Variants in CAMK4 observed in about 807,000 individuals in gnomAD.
CAMK4 encodes the protein calcium/calmodulin dependent protein kinase IV.
CAMK4 carries 22 observed loss-of-function variants against 44.9 expected under a neutral mutation model. The observed-to-expected ratio is 0.49, with a 90% CI of 0.35 to 0.70. The LOEUF (loss-of-function observed/expected upper bound fraction) is 0.70. Among genes scored for constraint, CAMK4 ranks in the 30% least tolerant of loss-of-function variants. CAMK4 has a pLI of 0.01. For synonymous variants in CAMK4, 218 were observed against 215.4 expected, an observed-to-expected ratio of 1.01 and a Z score of -0.11; for missense variants, 498 against 586.8, an observed-to-expected ratio of 0.85 and a Z score of 1.56.
At chr5:111,265,601 A>G (rs1179726111) in intron 1 of CAMK4, among the ~76,000 whole-genome samples, 1 of 152,176 alleles carries the variant, frequency 6.6e-6, no homozygotes, top group Non-Finnish European at 1.5e-5. Flanking sequence ...AAGGCTTTTT[A>G]TAGCTCATTA....
chr5:111,256,370 TTGG>T (rs1387782288), intron 1 of CAMK4, among the ~76,000 whole-genome samples: 1 of 152,076 alleles, frequency 6.6e-6, no homozygotes, highest in Non-Finnish European at 1.5e-5. Context: ...CTTGGTTGTG[TTGG>T]TGGTCAGATT....
At chr5:111,303,841 G>T (rs1277018183) in intron 1 of CAMK4, among the ~76,000 whole-genome samples, 1 of 139,832 alleles carries the variant, frequency 7.2e-6, no homozygotes, top group Non-Finnish European at 1.5e-5. Flanking sequence ...AGGGCAGCCA[G>T]AGAGAAAGGT....
chr5:111,258,782 T>TGTGTGC (rs1554055382), intron 1 of CAMK4, among the ~76,000 whole-genome samples: 10 of 147,556 alleles, frequency 6.8e-5, no homozygotes, highest in African/African-American at 2.3e-4. Flanking sequence ...TGTGTGTGTG[T>TGTGTGC]GCAGTCTTAG....
intron 2 of CAMK4, among the ~76,000 whole-genome samples, chr5:111,346,120 T>C (rs1472163955): frequency 1.3e-5 from 2 of 151,930 alleles, no homozygotes; most frequent in African/African-American, 4.8e-5. Context: ...TAGCGTTTCA[T>C]TCCATATAGG....
At chr5:111,419,715 T>G (rs10067060) in intron 5 of CAMK4, among the ~76,000 whole-genome samples, 52,615 of 151,500 alleles carry the variant, frequency 0.35, 9,915 homozygotes, top group Middle Eastern at 0.49. Flanking sequence ...TTTCCCCATT[T>G]CTTGTTTTTG....
chr5:111,296,265 A>G (rs1299146997), intron 1 of CAMK4, among the ~76,000 whole-genome samples: 1 of 152,232 alleles, frequency 6.6e-6, no homozygotes, highest in East Asian at 1.9e-4. Context: ...CCGTTTAGGA[A>G]ATATATGGAA....
At chr5:111,419,843 G>A (rs1454990686) in intron 5 of CAMK4, among the ~76,000 whole-genome samples, 1 of 152,168 alleles carries the variant, frequency 6.6e-6, no homozygotes, top group African/African-American at 2.4e-5. Flanking sequence ...TTTGGTTACT[G>A]TAGCCTTGTA....
At position 111,332,715 on chromosome 5, in the gene CAMK4, G is replaced by A. The variant is rs1371940833; in HGVS notation, c.162-11309G>A. 2.6e-5 allele frequency among the ~76,000 whole-genome samples: 4 copies of A among 151,516 alleles called. No homozygotes were observed. The East Asian group carries it at 5.9e-4, about 22-fold the overall frequency. ...GATTTCTGTGAGCTGCTGGTCTAGT[G>A]CATTTGGGTGTTATGCCTGACTTCA... On this transcript the variant is annotated intron_variant, in intron 1 of 10. Coordinates refer to ENST00000282356, the MANE Select transcript of CAMK4 (RefSeq NM_001744.6).
intron 5 of CAMK4, among the ~76,000 whole-genome samples, chr5:111,432,943 G>A (rs1753510288): frequency 6.6e-6 from 1 of 152,054 alleles, no homozygotes; most frequent in African/African-American, 2.4e-5. Context: ...TTCAAGGAGT[G>A]TATTTTTACT....
At chr5:111,387,499 G>T (rs1265258502) in intron 4 of CAMK4, among the ~76,000 whole-genome samples, 1 of 152,146 alleles carries the variant, frequency 6.6e-6, no homozygotes, top group Non-Finnish European at 1.5e-5. Context: ...CCTAAAGCCA[G>T]CAGTAATCTT....
intron 1 of CAMK4, among the ~76,000 whole-genome samples, chr5:111,325,587 G>A (rs1748849776): frequency 6.6e-6 from 1 of 152,034 alleles, no homozygotes; most frequent in Non-Finnish European, 1.5e-5. Context: ...GGCATGCGAT[G>A]GTATCTCATT....
rs1447494066 is a variant in CAMK4, at chr5:111,489,261, G to C, written c.*4795G>C. On this transcript the variant is annotated 3_prime_UTR_variant, in exon 11 of 11. Transcript: ENST00000282356. ...CTCCTTGGCAAATAAGAAAAAAAAGGAGAGAGACCACTGGAGAGATATCAG... is the reference window on the plus strand; with the variant it reads ...CTCCTTGGCAAATAAGAAAAAAAAGCAGAGAGACCACTGGAGAGATATCAG... 1 of 152,052 alleles carries C rather than the reference G, an allele frequency of 6.6e-6. No homozygotes were observed. Among genetic ancestry groups the C allele is most frequent in the African/African-American group, 2.4e-5 (1 of 41,374 alleles). The allele number at this position is 152,052 out of a possible 1,614,324, so 9.4% of individuals were successfully genotyped here.
intron 1 of CAMK4, among the ~76,000 whole-genome samples, chr5:111,270,748 A>G (rs1051337849): frequency 1.3e-4 from 20 of 152,214 alleles, no homozygotes; most frequent in Non-Finnish European, 4.4e-5. Flanking sequence ...GTCTAGTTCA[A>G]TATCTTTACC....
intron 4 of CAMK4, among the ~76,000 whole-genome samples, chr5:111,380,540 A>G (rs116712475): frequency 0.016 from 2,497 of 152,178 alleles, 64 homozygotes; most frequent in African/African-American, 0.055. Flanking sequence ...AAAGGCCCCA[A>G]TGTGTGTTTT....
At chr5:111,225,239 C>A (rs981860412) in intron 1 of CAMK4, among the ~76,000 whole-genome samples, 2 of 152,102 alleles carry the variant, frequency 1.3e-5, no homozygotes, top group African/African-American at 4.8e-5. Context: ...CATATGGGAT[C>A]CAGGCAGTGG....
intron 5 of CAMK4, among the ~76,000 whole-genome samples, chr5:111,428,336 C>G (rs1351059171): frequency 2.6e-5 from 4 of 152,186 alleles, no homozygotes; most frequent in Admixed American, 2.0e-4. Flanking sequence ...CAAAAAACAT[C>G]TGCTAGCATC....
At position 111,268,777 on chromosome 5, in the gene CAMK4, A is replaced by T. The variant is rs17133023; in HGVS notation, c.161+44133A>T. 7.3e-3 allele frequency among the ~76,000 whole-genome samples: 1,109 copies of T among 152,310 alleles called. 11 individuals are homozygous for T. Among genetic ancestry groups the T allele is most frequent in the East Asian group, 0.019 (98 of 5,190 alleles). ...CCACTCTATTTTAAAGAGACATCTA[A>T]CTTAGTATTCCTTTCTATCTCCTTC... On this transcript the variant is annotated intron_variant, in intron 1 of 10. Transcript: ENST00000282356.
intron 5 of CAMK4, among the ~76,000 whole-genome samples, chr5:111,437,609 AG>A (rs1753691747): frequency 6.6e-6 from 1 of 152,198 alleles, no homozygotes; most frequent in East Asian, 1.9e-4. Flanking sequence ...TTGGAAGGAT[AG>A]GTACAGTTTC....
chr5:111,415,378 A>G (rs1289395754), intron 5 of CAMK4, among the ~76,000 whole-genome samples: 1 of 152,152 alleles, frequency 6.6e-6, no homozygotes, highest in Non-Finnish European at 1.5e-5. Flanking sequence ...CCCTTATTTT[A>G]CTTAATAATG....
Sources: gnomAD v4.1 joint callset for allele counts (sites outside exome capture counted in the v4.1 genomes callset) on GRCh38, gnomAD v4.1.1 for gene constraint, MANE v1.5 for transcripts, NCBI Gene and HGNC (gene_info 2026-07-23, HGNC 2026-07-21) for gene names.